Variants in ATP6V0E1 observed in about 807,000 individuals in gnomAD.
The protein encoded by ATP6V0E1 is ATPase H+ transporting V0 subunit e1.
A neutral mutation model predicts 11.6 loss-of-function variants in ATP6V0E1; 4 were observed. That is an observed-to-expected ratio of 0.35 (90% confidence interval 0.17 to 0.79). The LOEUF (loss-of-function observed/expected upper bound fraction) is 0.79, where lower values mean the gene tolerates loss of function less well. Ranked by LOEUF, ATP6V0E1 falls within the 30% of genes least tolerant of loss-of-function variation. The probability of loss-of-function intolerance (pLI) is 0.54; values close to 1 mark genes in which losing one functional copy is unlikely to be tolerated. For synonymous variants in ATP6V0E1, 36 were observed against 34.8 expected (o/e 1.04, Z -0.13); for missense variants, 105 against 100.0 (o/e 1.05, Z -0.21).
chr5:173,027,178 CAAAAAA>C (rs1158447516), intron 3 of ATP6V0E1, among the ~76,000 whole-genome samples: 262 of 26,050 alleles, frequency 0.01, 2 homozygotes, highest in African/African-American at 0.034. Context: ...GACTCCGTCT[CAAAAAA>C]AAAAAAAAAA....
intron 3 of ATP6V0E1, among the ~76,000 whole-genome samples, chr5:173,022,235 G>A (rs1756497486): frequency 6.6e-6 from 1 of 152,104 alleles, no homozygotes; most frequent in African/African-American, 2.4e-5. Context: ...AAGTTTTTTG[G>A]CTCTTTAGGT....
At chr5:172,994,461 G>T (rs1293208555) in intron 1 of ATP6V0E1, among the ~76,000 whole-genome samples, 1 of 152,114 alleles carries the variant, frequency 6.6e-6, no homozygotes, top group Non-Finnish European at 1.5e-5. Context: ...TACCAAATAG[G>T]GTAATTACTT....
chr5:173,023,699 G>A (rs1007673648), intron 3 of ATP6V0E1, among the ~76,000 whole-genome samples: 3 of 152,140 alleles, frequency 2.0e-5, no homozygotes, highest in Non-Finnish European at 2.9e-5. Flanking sequence ...ACAAAAATTA[G>A]CCAGGCAAGG....
intron 2 of ATP6V0E1, among the ~76,000 whole-genome samples, chr5:173,013,717 G>A (rs533954748): frequency 6.8e-4 from 104 of 152,174 alleles, no homozygotes; most frequent in Non-Finnish European, 1.2e-3. Flanking sequence ...ATTGAGAAAT[G>A]GACAAAGGAC....
intron 3 of ATP6V0E1, among the ~76,000 whole-genome samples, chr5:173,025,504 CTTTTTTTTTTTTTT>C (rs60822937): frequency 1.5e-5 from 1 of 65,566 alleles, no homozygotes; most frequent in South Asian, 6.1e-4. Flanking sequence ...ATATAAAATA[CTTTTTTTTTTTTTT>C]TTTTTTTTTT....
At chr5:173,027,077 G>C (rs1351873545) in intron 3 of ATP6V0E1, among the ~76,000 whole-genome samples, 2 of 151,292 alleles carry the variant, frequency 1.3e-5, no homozygotes, top group East Asian at 3.9e-4. Flanking sequence ...TACTCGGGAG[G>C]CTGGGGCAGG....
intron 2 of ATP6V0E1, among the ~76,000 whole-genome samples, chr5:173,004,599 C>T (rs974644674): frequency 5.9e-5 from 9 of 152,072 alleles, no homozygotes; most frequent in African/African-American, 1.4e-4. Context: ...GAGATGAGTG[C>T]GGAGCAGTCT....
At chr5:172,986,931 G>A (rs1292721755) in intron 1 of ATP6V0E1, among the ~76,000 whole-genome samples, 1 of 151,888 alleles carries the variant, frequency 6.6e-6, no homozygotes, top group Non-Finnish European at 1.5e-5. Context: ...GGGGTTACAG[G>A]CGCGCACCAC....
chr5:173,006,117 G>T (rs1432617548), intron 2 of ATP6V0E1, among the ~76,000 whole-genome samples: 1 of 151,002 alleles, frequency 6.6e-6, no homozygotes, highest in East Asian at 1.9e-4. Context: ...AATTTTCTAT[G>T]TCCTTATTGT....
chr5:173,031,714 G>A (rs2113617935), intron 3 of ATP6V0E1, among the ~76,000 whole-genome samples: 1 of 151,896 alleles, frequency 6.6e-6, no homozygotes. Flanking sequence ...AGCTACTCGG[G>A]AGGCTGAGGC....
At chr5:173,003,474 T>G (rs1756188284) in intron 2 of ATP6V0E1, among the ~76,000 whole-genome samples, 1 of 152,160 alleles carries the variant, frequency 6.6e-6, no homozygotes, top group African/African-American at 2.4e-5. Context: ...AGATTTTTAA[T>G]GAAGGAGTGG....
chr5:172,986,675 G>T (rs1755901674), intron 1 of ATP6V0E1: 1 of 448,670 alleles, frequency 2.2e-6, no homozygotes, highest in Non-Finnish European at 4.5e-6. Context: ...GAGGCTGCAG[G>T]CACCATGTCC....
At chr5:173,006,853 A>G (rs1332012895) in intron 2 of ATP6V0E1, among the ~76,000 whole-genome samples, 1 of 151,756 alleles carries the variant, frequency 6.6e-6, no homozygotes, top group Non-Finnish European at 1.5e-5. Context: ...TACATTTGAG[A>G]TGTTTGTTTG....
chr5:173,017,721 A>G (rs1256149587), intron 2 of ATP6V0E1, among the ~76,000 whole-genome samples: 1 of 151,284 alleles, frequency 6.6e-6, no homozygotes, highest in Non-Finnish European at 1.5e-5. Flanking sequence ...CGTGCCTGTA[A>G]TTCCAGCTAC....
chr5:173,018,327 A>G (rs1048727515), intron 2 of ATP6V0E1, among the ~76,000 whole-genome samples: 5 of 152,180 alleles, frequency 3.3e-5, no homozygotes, highest in African/African-American at 4.8e-5. Context: ...AAAGGTCTTC[A>G]TCCTTGTTGT....
chr5:173,003,047 T>C (rs1756182464), intron 2 of ATP6V0E1, among the ~76,000 whole-genome samples: 1 of 151,992 alleles, frequency 6.6e-6, no homozygotes, highest in Non-Finnish European at 1.5e-5. Context: ...TTTAAGTAGC[T>C]TGGAATGTTC....
rs534286210 is a variant in ATP6V0E1, at chr5:173,016,035, T to C, written c.153-4203T>C. Among the ~76,000 whole-genome samples the C allele has an allele frequency of 6.6e-5, 10 of 152,328 alleles. 1 individual carries two copies. In the South Asian group the frequency reaches 1.7e-3, roughly 25 times the overall value. ...CACCATGCCCAGATTGTAGTATCTT[T>C]TATAGTAAACCAGAAAACGTGTTTC... is the stretch of plus-strand genomic sequence containing the variant. On this transcript the variant is annotated intron_variant, in intron 2 of 3. Transcript: ENST00000519374.
At chr5:173,019,291 C>T (rs1468647375) in intron 2 of ATP6V0E1, among the ~76,000 whole-genome samples, 2 of 152,082 alleles carry the variant, frequency 1.3e-5, no homozygotes, top group Non-Finnish European at 2.9e-5. Context: ...CGAGGTGGCT[C>T]ACGTCTGTAA....
chr5:173,022,054 T>G (rs1462222962), intron 3 of ATP6V0E1, among the ~76,000 whole-genome samples: 1 of 152,110 alleles, frequency 6.6e-6, no homozygotes, highest in Non-Finnish European at 1.5e-5. Context: ...AAAATCAGTC[T>G]TAAGGTTGCA....
Sources: allele counts gnomAD v4.1 joint callset (sites outside exome capture counted in the v4.1 genomes callset), GRCh38; gene constraint gnomAD v4.1.1; transcripts MANE v1.5; gene names NCBI Gene and HGNC (gene_info 2026-07-23, HGNC 2026-07-21).